The following SLC60A1 variants were observed in gnomAD, a reference collection of about 807,000 sequenced individuals.
SLC60A1 encodes solute carrier family 60 member 1.
the SLC60A1 span, chr1:205,599,339 C>G: frequency 5.9e-6 from 9 of 1,520,038 alleles, no homozygotes; most frequent in Non-Finnish European, 8.0e-6. Flanking sequence ...TGGATCTTAA[C>G]GTGCCAGAAA....
chr1:205,591,037 C>A, the SLC60A1 span, among the ~76,000 whole-genome samples: 24 of 152,338 alleles, frequency 1.6e-4, no homozygotes, highest in African/African-American at 5.8e-4. Context: ...CCACCTGGGT[C>A]TTCTGACCCC....
At chr1:205,593,418 C>CTGA in the SLC60A1 span, among the ~76,000 whole-genome samples, 1 of 60,648 alleles carries the variant, frequency 1.6e-5, no homozygotes, top group South Asian at 4.5e-4. Context: ...TTGCAGTGAG[C>CTGA]ACTCCAGCCT....
the SLC60A1 span, among the ~76,000 whole-genome samples, chr1:205,594,328 A>C: frequency 6.6e-6 from 1 of 152,282 alleles, no homozygotes; most frequent in African/African-American, 2.4e-5. Flanking sequence ...ACAACTCGAG[A>C]GTTTTAAGTG....
At chr1:205,586,193 G>T in the SLC60A1 span, 3 of 1,613,368 alleles carry the variant, frequency 1.9e-6, no homozygotes, top group Admixed American at 5.0e-5. Flanking sequence ...GGCCACCATG[G>T]TTTTCATCAA....
At chr1:205,573,146 C>T in the SLC60A1 span, among the ~76,000 whole-genome samples, 1 of 152,140 alleles carries the variant, frequency 6.6e-6, no homozygotes, top group South Asian at 2.1e-4. Flanking sequence ...CACATTGGCT[C>T]ACTCCTATGA....
the SLC60A1 span, among the ~76,000 whole-genome samples, chr1:205,589,847 C>T: frequency 6.6e-6 from 1 of 152,082 alleles, no homozygotes; most frequent in Non-Finnish European, 1.5e-5. Flanking sequence ...AGTCCAGGCG[C>T]AAGAGGGAGG....
At chr1:205,590,180 C>G in the SLC60A1 span, among the ~76,000 whole-genome samples, 1 of 152,162 alleles carries the variant, frequency 6.6e-6, no homozygotes, top group Admixed American at 6.5e-5. Flanking sequence ...GGGATAGATA[C>G]AAGCATGCCT....
At chr1:205,584,510 C>T in the SLC60A1 span, among the ~76,000 whole-genome samples, 4 of 148,714 alleles carry the variant, frequency 2.7e-5, no homozygotes, top group Admixed American at 1.3e-4. Context: ...AGGTGTAAGC[C>T]ACCATGCCTG....
At chr1:205,579,648 G>T in the SLC60A1 span, 1 of 1,286,196 alleles carries the variant, frequency 7.8e-7, no homozygotes, top group Non-Finnish European at 1.1e-6. Context: ...TTCTACCAGA[G>T]GGGGAGAAAT....
the SLC60A1 span, chr1:205,585,110 C>A: frequency 1.3e-6 from 1 of 774,378 alleles, no homozygotes; most frequent in Non-Finnish European, 2.1e-6. This position sits in a 1 kb window ranked among gnomAD's most constrained non-coding sequence, Gnocchi z 4.2. Flanking sequence ...TCCTGGAGTA[C>A]ACTTGATTCA....
the SLC60A1 span, chr1:205,584,847 C>T: frequency 1.2e-6 from 2 of 1,600,244 alleles, no homozygotes; most frequent in South Asian, 1.1e-5. Context: ...AGCTGAGACT[C>T]ACCCCTGTTC....
At chr1:205,573,468 C>G in the SLC60A1 span, among the ~76,000 whole-genome samples, 1 of 151,850 alleles carries the variant, frequency 6.6e-6, no homozygotes, top group South Asian at 2.1e-4. Context: ...GAATATCACT[C>G]AGCCATAAAA....
the SLC60A1 span, chr1:205,586,083 C>G: frequency 1.2e-6 from 2 of 1,613,332 alleles, no homozygotes; most frequent in South Asian, 1.1e-5. Flanking sequence ...AAGCCCCTGT[C>G]TGTGGGACAC....
At chr1:205,577,492 A>G in the SLC60A1 span, among the ~76,000 whole-genome samples, 1 of 152,176 alleles carries the variant, frequency 6.6e-6, no homozygotes, top group African/African-American at 2.4e-5. This position sits in a 1 kb window ranked among gnomAD's most constrained non-coding sequence, Gnocchi z 5.2. Context: ...GCTCGCGAGC[A>G]TGTGGATCTC....
chr1:205,570,020 C>T, the SLC60A1 span, among the ~76,000 whole-genome samples: 70,888 of 151,368 alleles, frequency 0.47, 17,813 homozygotes, highest in East Asian at 0.95. Flanking sequence ...TAAGGTGACT[C>T]TCCAGCCCTG....
the SLC60A1 span, chr1:205,600,153 T>A: frequency 2.4e-6 from 1 of 422,696 alleles, no homozygotes; most frequent in African/African-American, 2.0e-5. Context: ...TGCTGAACAT[T>A]AAATGAATAA....
At chr1:205,601,500 A>G in the SLC60A1 span, 1 of 152,228 alleles carries the variant, frequency 6.6e-6, no homozygotes, top group Admixed American at 6.5e-5. Flanking sequence ...ATTTTTTTCT[A>G]CTGACATTGA....
chr1:205,593,051 C>A, the SLC60A1 span, among the ~76,000 whole-genome samples: 1 of 152,130 alleles, frequency 6.6e-6, no homozygotes, highest in Non-Finnish European at 1.5e-5. Flanking sequence ...CGACTAATCT[C>A]CCTCCCCTTT....
the SLC60A1 span, chr1:205,569,431 C>G: frequency 1.5e-5 from 7 of 472,104 alleles, no homozygotes; most frequent in Non-Finnish European, 2.2e-5. Context: ...CCCCGCCTCC[C>G]GGCCGCGACC....
Sources: gnomAD v4.1 joint callset for allele counts (sites outside exome capture counted in the v4.1 genomes callset) on GRCh38, gnomAD v4.1.1 for gene constraint, Gnocchi (gnomAD v3.1) non-coding constraint, MANE v1.5 for transcripts, NCBI Gene and HGNC (gene_info 2026-07-23, HGNC 2026-07-21) for gene names.